CARNMT1: variants seen among roughly 807,000 people sequenced by gnomAD.
The protein encoded by CARNMT1 is protein-L-histidine N-pros-methyltransferase CARNMT1.
CARNMT1 carries 28 observed loss-of-function variants against 49.6 expected under a neutral mutation model. The observed-to-expected ratio is 0.56, with a 90% confidence interval of 0.42 to 0.77. The LOEUF is 0.77. Ranked by LOEUF, CARNMT1 falls within the 30% of genes least tolerant of loss-of-function variation. CARNMT1 has a pLI of 0.00. For missense variants in CARNMT1, 421 were observed against 512.6 expected (o/e 0.82, Z 1.73); for synonymous variants, 178 against 175.0 (o/e 1.02, Z -0.13).
intron 1 of CARNMT1, among the ~76,000 whole-genome samples, chr9:75,026,549 C>A (rs1452449173): frequency 6.6e-6 from 1 of 152,158 alleles, no homozygotes; most frequent in Non-Finnish European, 1.5e-5. Flanking sequence ...AAATTCAATT[C>A]TCTGATGGTC....
intron 3 of CARNMT1, among the ~76,000 whole-genome samples, chr9:75,006,201 G>A (rs1194929279): frequency 6.6e-6 from 1 of 151,888 alleles, no homozygotes; most frequent in African/African-American, 2.4e-5. Flanking sequence ...ACAAGTGCAC[G>A]CCACCACACC....
intron 4 of CARNMT1, among the ~76,000 whole-genome samples, chr9:74,999,064 G>C (rs1414307730): frequency 6.6e-6 from 1 of 152,000 alleles, no homozygotes; most frequent in Non-Finnish European, 1.5e-5. Context: ...AGTAATAACA[G>C]TCCAACGAGG....
intron 3 of CARNMT1, among the ~76,000 whole-genome samples, chr9:75,003,516 G>A (rs1833422591): frequency 6.6e-6 from 1 of 152,224 alleles, no homozygotes; most frequent in Non-Finnish European, 1.5e-5. Flanking sequence ...TGCCGGCAAA[G>A]CCTAACACAT....
chr9:75,028,154 C>T lies in CARNMT1; in HGVS notation c.88G>A (p.Val30Met), dbSNP rs1464810984. ...CCCCAACGCCCGGCGGAAAACTGCA[C>T]TTCCACCTCCTCGCTGCCACCGCCT... Reference protein sequence around the residue: ...GGGGGSEEVEVQFSAGRWGSA... With the variant: ...GGGGGSEEVEMQFSAGRWGSA... Residue 30 changes from valine to methionine, a missense_variant, in exon 1 of 8, where the codon GTG becomes ATG. Physicochemically the swap from Val to Met is conservative, Grantham distance 21 (BLOSUM62 1). Coordinates refer to ENST00000376834, the MANE Select transcript of CARNMT1 (RefSeq NM_152420.3). 5.2e-6 allele frequency: 8 copies of T among 1,537,250 alleles called. No individual in the cohort carries two copies. In the Admixed American group the frequency reaches 1.6e-4, roughly 30 times the overall value.
chr9:75,018,777 G>A (rs1833922470), intron 1 of CARNMT1, among the ~76,000 whole-genome samples: 1 of 152,056 alleles, frequency 6.6e-6, no homozygotes, highest in Admixed American at 6.6e-5. Flanking sequence ...AGACCAGCCT[G>A]GCCAACACGG....
At chr9:75,022,516 A>C (rs1251457960) in intron 1 of CARNMT1, among the ~76,000 whole-genome samples, 3 of 151,984 alleles carry the variant, frequency 2.0e-5, no homozygotes, top group Non-Finnish European at 2.9e-5. Flanking sequence ...GAGCCCCTAC[A>C]CCTGGCCAGG....
At chr9:74,986,515 A>T (rs1353097297) in intron 6 of CARNMT1, among the ~76,000 whole-genome samples, 1 of 152,228 alleles carries the variant, frequency 6.6e-6, no homozygotes, top group Non-Finnish European at 1.5e-5. Flanking sequence ...CAAAGCTTTT[A>T]TAAGAATGCA....
At chr9:75,003,494 CAG>C (rs1415510790) in intron 3 of CARNMT1, among the ~76,000 whole-genome samples, 1 of 152,260 alleles carries the variant, frequency 6.6e-6, no homozygotes, top group Non-Finnish European at 1.5e-5. Context: ...GCAGTCTCAA[CAG>C]AGACGACATT....
intron 3 of CARNMT1, among the ~76,000 whole-genome samples, chr9:75,007,095 C>T (rs1833533295): frequency 6.6e-6 from 1 of 152,160 alleles, no homozygotes; most frequent in African/African-American, 2.4e-5. Context: ...TTAAAACCTA[C>T]AGATATTTTG....
At chr9:75,010,802 G>GGGTGGGGAGAAT (rs138365989) in intron 3 of CARNMT1, among the ~76,000 whole-genome samples, 111,716 of 149,042 alleles carry the variant, frequency 0.75, 42,561 homozygotes, top group East Asian at 0.84. Flanking sequence ...GGTAGAGGCA[G>GGGTGGGGAGAAT]GGTGGGGAGA....
At chr9:75,000,446 A>G (rs1214722771) in intron 3 of CARNMT1, among the ~76,000 whole-genome samples, 1 of 152,150 alleles carries the variant, frequency 6.6e-6, no homozygotes, top group East Asian at 1.9e-4. Context: ...AACATACATG[A>G]TAACAAATAT....
Position 74,984,928 on chromosome 9 carries a change from C to T in CARNMT1, c.1107G>A (p.Leu369=), listed in dbSNP as rs1422540427. 20 of 1,613,260 alleles carry T rather than the reference C, an allele frequency of 1.2e-5. No individual in the cohort carries two copies. The highest frequency in any genetic ancestry group is 1.6e-5 in the Non-Finnish European group (19 of 1,179,528). Residue 369 remains leucine (L), a synonymous_variant, in exon 7 of 8, where the codon CTG becomes CTA. Transcript: ENST00000376834. ...LSYEDIKNVV[L]QYGFKVEVEK... is the part of the protein sequence containing the mutation. ...TTACCTCTACCTTGAATCCATACTG[C>T]AGAACAACGTTTTTTATATCCTCAT...
At chr9:74,990,027 T>C (rs548336730) in intron 6 of CARNMT1, among the ~76,000 whole-genome samples, 17 of 152,198 alleles carry the variant, frequency 1.1e-4, no homozygotes, top group Non-Finnish European at 2.5e-4. Flanking sequence ...ATATATTTGA[T>C]TGCATTTCCA....
chr9:75,016,074 C>T, intron 3 of CARNMT1, 194 bp downstream of exon 3: 1 of 430,548 alleles, frequency 2.3e-6, no homozygotes. Context: ...CCCTAAGCAC[C>T]AGCATAAAAA....
intron 1 of CARNMT1, among the ~76,000 whole-genome samples, chr9:75,024,893 G>A (rs568082603): frequency 6.9e-4 from 105 of 151,986 alleles, no homozygotes; most frequent in Non-Finnish European, 1.1e-3. Context: ...ACCGAAAGCC[G>A]TACCAATAAC....
intron 1 of CARNMT1, among the ~76,000 whole-genome samples, chr9:75,026,063 T>C (rs1822519061): frequency 6.6e-6 from 1 of 152,218 alleles, no homozygotes; most frequent in African/African-American, 2.4e-5. Context: ...TTAAGTGACA[T>C]TTTAAAAAGC....
At position 75,016,405 on chromosome 9, in the gene CARNMT1, A is replaced by T. The variant is rs780455946; in HGVS notation, c.453T>A (p.Ser151=). The T allele has an allele frequency of 1.9e-6, 3 of 1,613,916 alleles. No homozygotes were observed. The African/African-American group carries it at 4.0e-5, about 22-fold the overall frequency. The change falls in exon 3 of 8, where the codon TCT becomes TCA. Residue 151 remains serine, a synonymous_variant. Transcript: ENST00000376834. ...ATTTTAACTTATCCATGTCAAATGT[A>T]GATGCTGGCATAATCTTTCCATTCC... ...EDGNGKIMPA[S]TFDMDKLKST...
intron 7 of CARNMT1, 68 bp downstream of exon 7, chr9:74,984,839 A>G: frequency 1.0e-6 from 1 of 976,754 alleles, no homozygotes; most frequent in South Asian, 1.3e-5. Flanking sequence ...ACTAACAGCC[A>G]TGATATCAAC....
At chr9:75,028,418 G>A, upstream of CARNMT1, 1 of 1,288,198 alleles carries the variant, frequency 7.8e-7, no homozygotes, top group East Asian at 3.3e-5. Flanking sequence ...AGGTCTTCAG[G>A]GCTCCCAGAA....
Sources: allele counts gnomAD v4.1 joint callset (sites outside exome capture counted in the v4.1 genomes callset), GRCh38; gene constraint gnomAD v4.1.1; transcripts MANE v1.5; gene names NCBI Gene and HGNC (gene_info 2026-07-23, HGNC 2026-07-21).